The following CCSER1 variants were observed in gnomAD, a reference collection of about 807,000 sequenced individuals.
The protein encoded by CCSER1 is serine-rich coiled-coil domain-containing protein 1.
In CCSER1, 41 loss-of-function variants were observed where a neutral mutation model predicts 82.0. That is an observed-to-expected ratio of 0.50 (90% CI 0.39 to 0.65). The LOEUF is 0.65. Among genes scored for constraint, CCSER1 ranks in the 30% least tolerant of loss-of-function variants. The probability of loss-of-function intolerance (pLI) is 0.00; values close to 1 mark genes in which losing one functional copy is unlikely to be tolerated. For synonymous variants in CCSER1, 414 were observed against 383.9 expected, an observed-to-expected ratio of 1.08 and a Z score of -0.92; for missense variants, 1,119 against 1,064.2, an observed-to-expected ratio of 1.05 and a Z score of -0.72.
chr4:91,042,283 C>T (rs1338389647), intron 9 of CCSER1, among the ~76,000 whole-genome samples: 9 of 152,140 alleles, frequency 5.9e-5, no homozygotes, highest in South Asian at 2.1e-4. Context: ...AGCGTTCATT[C>T]GCCTTCCTGC....
intron 8 of CCSER1, among the ~76,000 whole-genome samples, chr4:90,861,926 A>ATTTTTT (rs70963087): frequency 5.6e-4 from 71 of 125,672 alleles, no homozygotes; most frequent in Non-Finnish European, 5.2e-4. Context: ...ATATATATAT[A>ATTTTTT]TTTTTTTTTT....
intron 9 of CCSER1, among the ~76,000 whole-genome samples, chr4:90,933,770 A>C (rs111429658): frequency 0.01 from 1,581 of 152,098 alleles, 17 homozygotes; most frequent in Non-Finnish European, 0.016. Context: ...TATTACAAGT[A>C]CATATACATG....
chr4:90,889,093 G>A (rs56382046), intron 8 of CCSER1, among the ~76,000 whole-genome samples: 4,412 of 152,140 alleles, frequency 0.029, 189 homozygotes, highest in African/African-American at 0.1. Context: ...CAAAAAAGTT[G>A]TATCAACATC....
intron 10 of CCSER1, among the ~76,000 whole-genome samples, chr4:91,103,767 G>T (rs961731652): frequency 6.6e-6 from 1 of 152,112 alleles, no homozygotes; most frequent in African/African-American, 2.4e-5. Context: ...TGAACAATAT[G>T]AAATCAGTGA....
At chr4:90,165,430 C>T (rs1165298758) in intron 1 of CCSER1, among the ~76,000 whole-genome samples, 1 of 151,992 alleles carries the variant, frequency 6.6e-6, no homozygotes, top group African/African-American at 2.4e-5. Flanking sequence ...TAGTATTATC[C>T]TATTACTGAG....
intron 3 of CCSER1, among the ~76,000 whole-genome samples, chr4:90,313,512 A>C (rs1431815617): frequency 6.6e-6 from 1 of 152,158 alleles, no homozygotes; most frequent in Admixed American, 6.5e-5. Flanking sequence ...AGTTGGTGTG[A>C]AGCTTATGAG....
At chr4:91,403,458 T>C (rs1236239799) in intron 10 of CCSER1, among the ~76,000 whole-genome samples, 2 of 152,178 alleles carry the variant, frequency 1.3e-5, no homozygotes, top group Admixed American at 1.3e-4. Flanking sequence ...AGAAAAGGCA[T>C]CCCTGTCTTG....
intron 10 of CCSER1, among the ~76,000 whole-genome samples, chr4:91,329,085 TTTTATC>T (rs1275432519): frequency 6.6e-6 from 1 of 152,170 alleles, no homozygotes; most frequent in African/African-American, 2.4e-5. Context: ...CCAGTCTCAG[TTTTATC>T]TTTATTAGCA....
rs139803517 is a variant in CCSER1, at chr4:90,541,231, G to A, written c.1724+72877G>A. Among the ~76,000 whole-genome samples the A allele has an allele frequency of 8.6e-3, 1,315 of 152,152 alleles. 22 individuals carry two copies. The highest frequency in any genetic ancestry group is 0.013 in the Non-Finnish European group (882 of 67,968). ...AGCAAGAAGACAGAGAACGACATGA[G>A]TAAAATAAAGACATTGAAGAAAGTC... is the stretch of plus-strand genomic sequence containing the variant. On this transcript the variant is annotated intron_variant, in intron 5 of 10. Transcript: ENST00000509176.
At chr4:91,027,417 A>G (rs1488800155) in intron 9 of CCSER1, among the ~76,000 whole-genome samples, 2 of 151,940 alleles carry the variant, frequency 1.3e-5, no homozygotes, top group African/African-American at 4.8e-5. Context: ...TCAAGATATC[A>G]TAACAGGTCG....
rs548632628 is a variant in CCSER1 at position 91,359,689 on chromosome 4, C to T, written c.2218-238883C>T. On this transcript the variant is annotated intron_variant, in intron 10 of 10. Coordinates refer to ENST00000509176, the MANE Select transcript of CCSER1 (RefSeq NM_001145065.2). ...AAAAGGATATTGAAAAAGGGCTAAGCAATCTTGCGTTGCTGTAGTGAAACA... is the reference window on the plus strand; with the variant it reads ...AAAAGGATATTGAAAAAGGGCTAAGTAATCTTGCGTTGCTGTAGTGAAACA... 2.6e-5 allele frequency among the ~76,000 whole-genome samples: 4 copies of T among 151,644 alleles called. No individual in the cohort carries two copies. In the East Asian group the frequency reaches 7.7e-4, roughly 29 times the overall value.
At chr4:90,375,750 A>G (rs970686538) in intron 3 of CCSER1, among the ~76,000 whole-genome samples, 10 of 152,180 alleles carry the variant, frequency 6.6e-5, no homozygotes, top group Admixed American at 2.6e-4. Context: ...TGTCCTCCAC[A>G]TGCTGATTTC....
At chr4:90,975,599 C>T (rs1178552219) in intron 9 of CCSER1, among the ~76,000 whole-genome samples, 1 of 151,096 alleles carries the variant, frequency 6.6e-6, no homozygotes, top group Non-Finnish European at 1.5e-5. Context: ...AAGTAATTTG[C>T]TCACTAGTTA....
At chr4:91,567,054 G>C (rs1485318045) in intron 10 of CCSER1, among the ~76,000 whole-genome samples, 1 of 152,058 alleles carries the variant, frequency 6.6e-6, no homozygotes, top group Non-Finnish European at 1.5e-5. Flanking sequence ...TGCCTTAGCT[G>C]TGTCCCAGAG....
At chr4:90,559,362 G>A (rs2153646190) in intron 5 of CCSER1, among the ~76,000 whole-genome samples, 1 of 152,258 alleles carries the variant, frequency 6.6e-6, no homozygotes, top group Middle Eastern at 3.4e-3. Context: ...AGCAGAGGGA[G>A]AAGTTGAGCT....
chr4:90,550,522 A>G (rs1419251537), intron 5 of CCSER1, among the ~76,000 whole-genome samples: 1 of 152,150 alleles, frequency 6.6e-6, no homozygotes, highest in Non-Finnish European at 1.5e-5. Flanking sequence ...TTTCTAATCC[A>G]TTTAAACTAT....
chr4:90,417,326 T>A (rs1243106176), intron 4 of CCSER1, among the ~76,000 whole-genome samples: 1 of 152,204 alleles, frequency 6.6e-6, no homozygotes, highest in African/African-American at 2.4e-5. Flanking sequence ...GAAATTTATT[T>A]GAAAAAGAAT....
chr4:90,271,858 ATATATTTTTT>A (rs1326207161), intron 1 of CCSER1, among the ~76,000 whole-genome samples: 3 of 24,416 alleles, frequency 1.2e-4, no homozygotes, highest in Non-Finnish European at 1.8e-4. Context: ...ATATATATAT[ATATATTTTTT>A]TTTTTTTTTT....
chr4:90,637,355 T>C (rs1236048202), intron 6 of CCSER1, among the ~76,000 whole-genome samples: 1 of 152,170 alleles, frequency 6.6e-6, no homozygotes, highest in Non-Finnish European at 1.5e-5. Context: ...GAAGACAAAA[T>C]GCACAATGTC....
Sources: gnomAD v4.1 joint callset for allele counts (sites outside exome capture counted in the v4.1 genomes callset) on GRCh38, gnomAD v4.1.1 for gene constraint, MANE v1.5 for transcripts, NCBI Gene and HGNC (gene_info 2026-07-23, HGNC 2026-07-21) for gene names.